BRWD1: variants seen among roughly 807,000 people sequenced by gnomAD.
BRWD1 encodes bromodomain and WD repeat-containing protein 1.
A neutral mutation model predicts 251.2 loss-of-function variants in BRWD1; 82 were observed. That is an observed-to-expected ratio of 0.33 (90% CI 0.27 to 0.39). BRWD1 has a LOEUF of 0.39. BRWD1 is among the 10% of genes least tolerant of loss of function. The probability of loss-of-function intolerance (pLI) is 1.00; values close to 1 mark genes in which losing one functional copy is unlikely to be tolerated. For missense variants in BRWD1, 2,233 were observed against 2,711.6 expected (o/e 0.82, Z 3.92); for synonymous variants, 918 against 902.8 (o/e 1.02, Z -0.30).
chr21:39,303,958 G>A (rs574474290), intron 4 of BRWD1, among the ~76,000 whole-genome samples: 16 of 151,484 alleles, frequency 1.1e-4, no homozygotes, highest in African/African-American at 1.7e-4. Flanking sequence ...CCTGGCCAAC[G>A]TGGTTAAACC....
chr21:39,311,798 T>A (rs1165075629), intron 4 of BRWD1, among the ~76,000 whole-genome samples: 1 of 152,256 alleles, frequency 6.6e-6, no homozygotes, highest in Non-Finnish European at 1.5e-5. Flanking sequence ...GCTTCAAGTG[T>A]TAACTGTTCA....
chr21:39,249,540 T>G (rs2034319762), intron 20 of BRWD1, among the ~76,000 whole-genome samples: 1 of 152,196 alleles, frequency 6.6e-6, no homozygotes, highest in Non-Finnish European at 1.5e-5. Context: ...TTAAAAGGCA[T>G]GCCATTCCCC....
At chr21:39,207,501 C>G in intron 36 of BRWD1, among the ~76,000 whole-genome samples, 1 of 123,090 alleles carries the variant, frequency 8.1e-6, no homozygotes, top group African/African-American at 3.1e-5. Context: ...ACTCCAAAAA[C>G]AACAAGTGTT....
intron 7 of BRWD1, 40 bp downstream of exon 7, chr21:39,295,703 C>A: frequency 1.4e-6 from 2 of 1,480,564 alleles, no homozygotes; most frequent in South Asian, 1.4e-5. Context: ...CACTAAAGTA[C>A]TCTAGATGAC....
At position 39,190,947 on chromosome 21, in the gene BRWD1, T is replaced by C; in HGVS notation, c.*5312A>G. 1 of 985,332 alleles carries C rather than the reference T, an allele frequency of 1.0e-6. No homozygotes were observed. The highest frequency in any genetic ancestry group is 1.7e-5 in the African/African-American group (1 of 57,352). 61.0% of individuals were successfully genotyped at this position (985,332 alleles called of 1,614,324 possible). A position where few individuals can be genotyped will look rare whatever the true frequency, so the allele number is the denominator to read the frequency against. Reference sequence around the variant, plus strand: ...CTGGAACTACAACTAATCTAGCTCATCACAATACAGTTTTCTCTCACCCCT... The same window carrying C: ...CTGGAACTACAACTAATCTAGCTCACCACAATACAGTTTTCTCTCACCCCT... On this transcript the variant is annotated 3_prime_UTR_variant, in exon 41 of 41. Coordinates refer to ENST00000342449, the MANE Select transcript of BRWD1 (RefSeq NM_033656.4).
chr21:39,270,732 T>C (rs1197259410), intron 13 of BRWD1, among the ~76,000 whole-genome samples: 1 of 152,248 alleles, frequency 6.6e-6, no homozygotes, highest in African/African-American at 2.4e-5. Context: ...ATTATTTCCT[T>C]CTTCTGAATA....
At chr21:39,247,076 C>CAAAA (rs542391369) in intron 21 of BRWD1, among the ~76,000 whole-genome samples, 11 of 101,896 alleles carry the variant, frequency 1.1e-4, no homozygotes, top group Non-Finnish European at 1.2e-4. Flanking sequence ...GACTCCGTCT[C>CAAAA]AAAAAAAAAA....
At chr21:39,319,961 G>T (rs187081711) in intron 1 of BRWD1, among the ~76,000 whole-genome samples, 6 of 151,970 alleles carry the variant, frequency 3.9e-5, no homozygotes, top group African/African-American at 1.4e-4. Flanking sequence ...TTAACATATT[G>T]CTTCCCTGTT....
intron 20 of BRWD1, among the ~76,000 whole-genome samples, chr21:39,250,123 G>C (rs1217857707): frequency 1.3e-5 from 2 of 152,028 alleles, no homozygotes; most frequent in Non-Finnish European, 2.9e-5. Context: ...CTCGGGCTTT[G>C]GCTGTTAGCC....
At chr21:39,209,643 G>C (rs933965473) in intron 36 of BRWD1, 1 of 158,930 alleles carries the variant, frequency 6.3e-6, no homozygotes, top group East Asian at 1.8e-4. Flanking sequence ...TTACAGTCTC[G>C]ATCTATGTTT....
rs1601233095 is a variant in BRWD1 at position 39,196,173 on chromosome 21, G to A, written c.*86C>T. On this transcript the variant is annotated 3_prime_UTR_variant, in exon 41 of 41. Coordinates refer to ENST00000342449, the MANE Select transcript of BRWD1 (RefSeq NM_033656.4). ...AAAATATAAATATATTCCCTGAATTGTAAGACAAAAAAATAATTTTAACAG... is the reference window on the plus strand; with the variant it reads ...AAAATATAAATATATTCCCTGAATTATAAGACAAAAAAATAATTTTAACAG... The A allele has an allele frequency of 2.7e-6, 4 of 1,483,134 alleles. No homozygotes were observed. In the East Asian group the frequency reaches 7.0e-5, roughly 26 times the overall value. The allele number at this position is 1,483,134 out of a possible 1,614,324, so 91.9% of individuals were successfully genotyped here. A position where few individuals can be genotyped will look rare whatever the true frequency, so the allele number is the denominator to read the frequency against.
At chr21:39,251,017 GAAGTT>G in intron 19 of BRWD1, 128 bp from the exon 20 acceptor site, 1 of 599,604 alleles carries the variant, frequency 1.7e-6, no homozygotes, top group Non-Finnish European at 2.8e-6. Flanking sequence ...CAAAATCTCT[GAAGTT>G]AAAACATGTT....
intron 8 of BRWD1, among the ~76,000 whole-genome samples, chr21:39,290,024 C>CA (rs376359142): frequency 0.12 from 13,252 of 108,112 alleles, 743 homozygotes; most frequent in East Asian, 0.17. Context: ...GACTCCATCT[C>CA]AAAAAAAAAA....
chr21:39,295,549 G>A (rs2035940184), intron 7 of BRWD1, among the ~76,000 whole-genome samples, 194 bp downstream of exon 7: 1 of 152,050 alleles, frequency 6.6e-6, no homozygotes, highest in South Asian at 2.1e-4. Flanking sequence ...CTAAATCACT[G>A]TCTTTCAAAA....
chr21:39,199,965 T>TGGTCTCGAAACTCCTGACCTCA, intron 39 of BRWD1, among the ~76,000 whole-genome samples: 1 of 152,076 alleles, frequency 6.6e-6, no homozygotes, highest in South Asian at 2.1e-4. Flanking sequence ...GTGGCCAGGC[T>TGGTCTCGAAACTCCTGACCTCA]GGTCTCGAAA....
chr21:39,297,174 A>G, intron 5 of BRWD1: 1 of 985,458 alleles, frequency 1.0e-6, no homozygotes, highest in African/African-American at 1.7e-5. Flanking sequence ...ATAGGTTTGA[A>G]GCAGTCACAC....
intron 4 of BRWD1, among the ~76,000 whole-genome samples, chr21:39,304,796 A>G (rs2036233424): frequency 6.6e-6 from 1 of 152,150 alleles, no homozygotes; most frequent in African/African-American, 2.4e-5. Flanking sequence ...TATTAATGTA[A>G]GGCAAAGCAG....
chr21:39,222,954 C>G (rs1053604314), intron 29 of BRWD1, among the ~76,000 whole-genome samples: 5 of 146,138 alleles, frequency 3.4e-5, no homozygotes, highest in Non-Finnish European at 7.6e-5. Flanking sequence ...GCCAAAAATG[C>G]AAAACCTAAA....
chr21:39,313,415 G>A (rs1339600824), intron 1 of BRWD1, 28 bp downstream of exon 1: 2 of 1,447,318 alleles, frequency 1.4e-6, no homozygotes, highest in Non-Finnish European at 9.1e-7. Flanking sequence ...GAGCGCCAGG[G>A]CGGGGGTGGC....
Sources: allele counts gnomAD v4.1 joint callset (sites outside exome capture counted in the v4.1 genomes callset), GRCh38; gene constraint gnomAD v4.1.1; transcripts MANE v1.5; gene names NCBI Gene and HGNC (gene_info 2026-07-23, HGNC 2026-07-21).